ALK: variants seen among roughly 807,000 people sequenced by gnomAD.
The protein encoded by ALK is ALK receptor tyrosine kinase.
Under a neutral mutation model 163.1 loss-of-function variants are expected in ALK, and 74 were observed. The observed-to-expected ratio is 0.45, with a 90% confidence interval of 0.38 to 0.55. The LOEUF (loss-of-function observed/expected upper bound fraction) is 0.55, where lower values mean the gene tolerates loss of function less well. Among genes scored for constraint, ALK ranks in the 20% least tolerant of loss-of-function variants. The probability of loss-of-function intolerance (pLI) is 0.00; values close to 1 mark genes in which losing one functional copy is unlikely to be tolerated. For synonymous variants in ALK, 960 were observed against 843.2 expected (o/e 1.14, Z -2.40); for missense variants, 2,063 against 2,105.3 (o/e 0.98, Z 0.39).
chr2:29,329,720 TA>T (rs1667384004), intron 5 of ALK, among the ~76,000 whole-genome samples: 1 of 152,214 alleles, frequency 6.6e-6, no homozygotes, highest in Non-Finnish European at 1.5e-5. Flanking sequence ...CTTTAATATC[TA>T]AAAGTCCATG....
intron 28 of ALK, 54 bp from the exon 29 acceptor site, chr2:29,193,976 C>G (rs2148139324): frequency 6.6e-7 from 1 of 1,524,918 alleles, no homozygotes; most frequent in Non-Finnish European, 9.1e-7. Context: ...AATGTTGGAT[C>G]TAGAAGATAC....
intron 26 of ALK, among the ~76,000 whole-genome samples, chr2:29,204,525 A>AGAGAT (rs1669264931): frequency 1.3e-5 from 2 of 151,840 alleles, no homozygotes; most frequent in South Asian, 4.1e-4. Flanking sequence ...AGAAGACCAC[A>AGAGAT]GAGGTAAAGT....
At chr2:29,644,387 T>G (rs1676812864) in intron 3 of ALK, among the ~76,000 whole-genome samples, 2 of 148,928 alleles carry the variant, frequency 1.3e-5, no homozygotes, top group Non-Finnish European at 2.9e-5. Context: ...ACCCTAAAAC[T>G]TAAAGTATAT....
intron 4 of ALK, among the ~76,000 whole-genome samples, chr2:29,385,382 GTT>G (rs59445973): frequency 5.4e-4 from 75 of 138,328 alleles, no homozygotes; most frequent in Middle Eastern, 7.4e-3. Flanking sequence ...CTGTCAGGTT[GTT>G]TTTTTTTTTT....
At chr2:29,262,773 A>G (rs1156984517) in intron 11 of ALK, among the ~76,000 whole-genome samples, 3 of 152,256 alleles carry the variant, frequency 2.0e-5, no homozygotes, top group African/African-American at 7.2e-5. Flanking sequence ...TCTAGATAAA[A>G]GCTGCTTTCA....
At chr2:29,795,592 T>C (rs1664288482) in intron 1 of ALK, among the ~76,000 whole-genome samples, 1 of 152,146 alleles carries the variant, frequency 6.6e-6, no homozygotes, top group Admixed American at 6.5e-5. Context: ...AAGTAGCTAC[T>C]TGAAATAAAA....
intron 3 of ALK, among the ~76,000 whole-genome samples, chr2:29,614,507 A>G (rs1283748033): frequency 6.6e-6 from 1 of 152,148 alleles, no homozygotes; most frequent in Non-Finnish European, 1.5e-5. Context: ...GACTGACAGC[A>G]TGTTCCATCC....
chr2:29,308,753 G>A (rs1304540117), intron 8 of ALK, among the ~76,000 whole-genome samples: 1 of 152,196 alleles, frequency 6.6e-6, no homozygotes, highest in African/African-American at 2.4e-5. Flanking sequence ...TGAGACCAGT[G>A]CCCAGCTTAG....
intron 23 of ALK, among the ~76,000 whole-genome samples, chr2:29,219,852 T>G (rs137894231): frequency 0.01 from 1,548 of 152,338 alleles, 15 homozygotes; most frequent in Non-Finnish European, 0.016. Flanking sequence ...GTATCTTCAC[T>G]TCCCAAGCTC....
chr2:29,783,219 C>T (rs543890100), intron 1 of ALK, among the ~76,000 whole-genome samples: 11 of 152,310 alleles, frequency 7.2e-5, no homozygotes, highest in Admixed American at 2.0e-4. Flanking sequence ...TCATATCAGT[C>T]ACAACTATGC....
intron 26 of ALK, 111 bp downstream of exon 26, chr2:29,207,057 TCTC>T (rs1669329825): frequency 1.2e-6 from 1 of 802,986 alleles, no homozygotes; most frequent in African/African-American, 1.7e-5. Context: ...TATTGATTCT[TCTC>T]TTTTCCCTCC....
At chr2:29,808,552 G>A (rs903615521) in intron 1 of ALK, among the ~76,000 whole-genome samples, 2 of 152,164 alleles carry the variant, frequency 1.3e-5, no homozygotes, top group Non-Finnish European at 2.9e-5. Flanking sequence ...GATAGAGTGA[G>A]CTGAGACCCA....
intron 1 of ALK, among the ~76,000 whole-genome samples, chr2:29,808,351 T>G (rs929157576): frequency 1.3e-5 from 2 of 152,130 alleles, no homozygotes; most frequent in African/African-American, 4.8e-5. Context: ...CTGAAAAGCA[T>G]CTGGCACTCA....
intron 2 of ALK, among the ~76,000 whole-genome samples, chr2:29,697,957 A>T (rs1295878953): frequency 6.6e-6 from 1 of 152,164 alleles, no homozygotes; most frequent in Non-Finnish European, 1.5e-5. Context: ...TATTCCTGTT[A>T]ACACTAACCA....
intron 3 of ALK, among the ~76,000 whole-genome samples, chr2:29,566,161 C>T (rs1269851716): frequency 1.3e-5 from 2 of 152,160 alleles, no homozygotes; most frequent in Non-Finnish European, 2.9e-5. Flanking sequence ...ACTTTATGAG[C>T]GGTCCAATTT....
chr2:29,709,755 C>T (rs1679018413), intron 2 of ALK, among the ~76,000 whole-genome samples: 1 of 152,078 alleles, frequency 6.6e-6, no homozygotes, highest in Non-Finnish European at 1.5e-5. Context: ...TATATGGTAT[C>T]CAAAAGGAAG....
At chr2:29,221,628 T>C (rs183974077) in intron 22 of ALK, among the ~76,000 whole-genome samples, 20 of 152,334 alleles carry the variant, frequency 1.3e-4, no homozygotes, top group African/African-American at 4.8e-4. Context: ...ATTTTGTGTG[T>C]CCTCCTGTGG....
chr2:29,222,665 G>A (rs2148169612), intron 20 of ALK, 58 bp from the exon 21 acceptor site: 3 of 1,506,072 alleles, frequency 2.0e-6, no homozygotes, highest in Non-Finnish European at 2.7e-6. Context: ...TAATGAGGCA[G>A]CTGGGGGTCC....
chr2:29,330,545 C>T (rs995921472), intron 5 of ALK, among the ~76,000 whole-genome samples: 1 of 152,210 alleles, frequency 6.6e-6, no homozygotes, highest in East Asian at 1.9e-4. Context: ...AATGCCTGCA[C>T]ATTAGGTTAC....
Sources: gnomAD v4.1 joint callset for allele counts (sites outside exome capture counted in the v4.1 genomes callset) on GRCh38, gnomAD v4.1.1 for gene constraint, MANE v1.5 for transcripts, NCBI Gene and HGNC (gene_info 2026-07-23, HGNC 2026-07-21) for gene names.